The following MRE11 variants were observed in gnomAD, a reference collection of about 807,000 sequenced individuals.
The protein encoded by MRE11 is double-strand break repair protein MRE11.
MRE11 carries 62 observed loss-of-function variants against 91.7 expected under a neutral mutation model. That is an observed-to-expected ratio of 0.68 (90% confidence interval 0.55 to 0.84). MRE11 has a LOEUF of 0.84. Among genes scored for constraint, MRE11 ranks in the 40% least tolerant of loss-of-function variants. The probability of loss-of-function intolerance (pLI) is 0.00; values close to 1 mark genes in which losing one functional copy is unlikely to be tolerated. For synonymous variants in MRE11, 273 were observed against 271.4 expected (o/e 1.01, Z -0.06); for missense variants, 796 against 852.9 (o/e 0.93, Z 0.83).
intron 14 of MRE11, among the ~76,000 whole-genome samples, chr11:94,449,468 T>C (rs1946035346): frequency 6.6e-6 from 1 of 152,266 alleles, no homozygotes; most frequent in African/African-American, 2.4e-5. Context: ...ACGATACTTT[T>C]GGCATCATTT....
At chr11:94,512,353 C>T in the MRE11 span, 7 of 479,428 alleles carry the variant, frequency 1.5e-5, no homozygotes, top group Non-Finnish European at 2.3e-5. Flanking sequence ...ATAACCCCAG[C>T]CCCATAACTT....
intron 4 of MRE11, among the ~76,000 whole-genome samples, chr11:94,484,047 T>C (rs1947076805): frequency 6.6e-6 from 1 of 151,974 alleles, no homozygotes; most frequent in African/African-American, 2.4e-5. Flanking sequence ...CTTGAAGAAA[T>C]GGCTGAGTCT....
chr11:94,486,527 ACTGACTCTATG>A (rs1447571035), intron 3 of MRE11, among the ~76,000 whole-genome samples: 1 of 152,164 alleles, frequency 6.6e-6, no homozygotes, highest in Non-Finnish European at 1.5e-5. Flanking sequence ...CTCATTAAAT[ACTGACTCTATG>A]CAAGACCCTC....
At chr11:94,485,251 CA>C (rs920796994) in intron 4 of MRE11, among the ~76,000 whole-genome samples, 176 of 125,134 alleles carry the variant, frequency 1.4e-3, no homozygotes, top group Admixed American at 1.3e-3. Flanking sequence ...AAGACTCCAT[CA>C]AAAAAAAAAA....
chr11:94,429,958 T>A lies in MRE11; in HGVS notation c.2023A>T (p.Met675Leu), dbSNP rs756418071. ...CCTTTCGATACTTGACTCTGGGACA[T>A]GATTTTGCTGGATGATGTGCTGGAC... ...RWSSTSSSKIMSQSQVSKGVD... is the reference protein window; with the variant it reads ...RWSSTSSSKILSQSQVSKGVD... Residue 675 changes from methionine (M) to leucine (L), a missense_variant, in exon 19 of 20, where the codon ATG (methionine) becomes TTG (leucine). Met to Leu is a conservative substitution (Grantham distance 15). Coordinates refer to ENST00000323929, the MANE Select transcript of MRE11 (RefSeq NM_005591.4). 3 of 1,614,034 alleles carry A rather than the reference T, an allele frequency of 1.9e-6. No homozygotes were observed. In the African/African-American group the frequency reaches 4.0e-5, roughly 22 times the overall value.
intron 17 of MRE11, among the ~76,000 whole-genome samples, chr11:94,436,103 C>T (rs890623575): frequency 6.6e-6 from 1 of 152,176 alleles, no homozygotes; most frequent in Non-Finnish European, 1.5e-5. Context: ...ACTTTTTGCT[C>T]ACCTCTCTCC....
At chr11:94,497,188 T>C, upstream of MRE11, 1 of 580,490 alleles carries the variant, frequency 1.7e-6, no homozygotes, top group Non-Finnish European at 3.0e-6. Flanking sequence ...TTAAAATCAT[T>C]TATATAAAGT....
At chr11:94,443,035 A>G (rs944750147) in intron 16 of MRE11, among the ~76,000 whole-genome samples, 9 of 152,230 alleles carry the variant, frequency 5.9e-5, no homozygotes, top group Non-Finnish European at 1.3e-4. Context: ...AAATATAGCA[A>G]TGGAATTTTT....
intron 19 of MRE11, among the ~76,000 whole-genome samples, chr11:94,429,138 T>C (rs370347911): frequency 6.6e-6 from 1 of 152,122 alleles, no homozygotes; most frequent in Non-Finnish European, 1.5e-5. Context: ...AAAACCACAA[T>C]GATACCATTT....
rs1945071472 is a variant in MRE11, at chr11:94,417,988, T to C, written c.*2137A>G. On this transcript the variant is annotated 3_prime_UTR_variant, in exon 20 of 20. Transcript: ENST00000323929. ...AACAGAAGAATTCCCTACAGATGTC[T>C]TCCTCTGAATGTTTTCATTCCTGCT... The C allele has an allele frequency of 4.3e-6, 1 of 232,974 alleles. No homozygotes were observed. The highest frequency in any genetic ancestry group is 5.6e-5 in the Admixed American group (1 of 17,780). 14.4% of individuals were successfully genotyped at this position (232,974 alleles called of 1,614,324 possible). A position where few individuals can be genotyped will look rare whatever the true frequency, so the allele number is the denominator to read the frequency against.
intron 19 of MRE11, among the ~76,000 whole-genome samples, chr11:94,426,186 C>T (rs1267569712): frequency 4.6e-5 from 7 of 152,062 alleles, no homozygotes; most frequent in African/African-American, 7.2e-5. Flanking sequence ...CTCAAAACTA[C>T]ACAAATACAT....
At chr11:94,501,239 C>A in the MRE11 span, among the ~76,000 whole-genome samples, 1 of 152,268 alleles carries the variant, frequency 6.6e-6, no homozygotes, top group South Asian at 2.1e-4. Flanking sequence ...CAAAATTTTA[C>A]TTCTCAGAAC....
chr11:94,485,808 G>T, intron 4 of MRE11, 116 bp downstream of exon 4: 1 of 972,878 alleles, frequency 1.0e-6, no homozygotes, highest in Non-Finnish European at 1.6e-6. Flanking sequence ...TTCAAAGAAT[G>T]ATATTTACTA....
chr11:94,440,211 T>C (rs767663210), intron 16 of MRE11, among the ~76,000 whole-genome samples: 4 of 152,246 alleles, frequency 2.6e-5, no homozygotes, highest in Admixed American at 6.5e-5. Context: ...CCTCTTTTCA[T>C]AGATGAATAC....
chr11:94,498,107 A>G (rs146992146), upstream of MRE11: 297 of 1,613,110 alleles, frequency 1.8e-4, no homozygotes, highest in African/African-American at 3.5e-3. Flanking sequence ...TGAAAAGGCC[A>G]CTCACGTGAA....
chr11:94,502,222 G>A, the MRE11 span, among the ~76,000 whole-genome samples: 6 of 152,150 alleles, frequency 3.9e-5, no homozygotes, highest in African/African-American at 9.7e-5. Context: ...TGCCATGTGC[G>A]CATGATGGAG....
At chr11:94,488,246 T>C (rs1425552490) in intron 3 of MRE11, among the ~76,000 whole-genome samples, 1 of 152,174 alleles carries the variant, frequency 6.6e-6, no homozygotes, top group Non-Finnish European at 1.5e-5. Context: ...CAAGTTTTTT[T>C]GCCTTCAAGG....
upstream of MRE11, among the ~76,000 whole-genome samples, chr11:94,496,405 AAG>A (rs1382120072): frequency 1.3e-5 from 2 of 152,128 alleles, no homozygotes. Context: ...AAAACAACAA[AAG>A]TAAGAAGCAT....
chr11:94,461,643 A>G (rs1487475031), intron 11 of MRE11, among the ~76,000 whole-genome samples: 2 of 152,218 alleles, frequency 1.3e-5, no homozygotes, highest in Non-Finnish European at 2.9e-5. Context: ...GGAGAAATAA[A>G]GGGTATTCAA....
Sources: gnomAD v4.1 joint callset for allele counts (sites outside exome capture counted in the v4.1 genomes callset) on GRCh38, gnomAD v4.1.1 for gene constraint, MANE v1.5 for transcripts, NCBI Gene and HGNC (gene_info 2026-07-23, HGNC 2026-07-21) for gene names.